Variants in OR52N2 observed in about 807,000 individuals in gnomAD.
OR52N2 encodes olfactory receptor 52N2.
For missense variants in OR52N2, 326 were observed against 196.6 expected, an observed-to-expected ratio of 1.66 and a Z score of -3.94; for synonymous variants, 129 against 72.0, an observed-to-expected ratio of 1.79 and a Z score of -4.01.
At chr11:5,814,408 T>G (rs1471494702) in intron 1 of OR52N2, among the ~76,000 whole-genome samples, 1 of 151,934 alleles carries the variant, frequency 6.6e-6, no homozygotes, top group Admixed American at 6.6e-5. Flanking sequence ...CATAAAATAA[T>G]AAAATACATA....
chr11:5,814,493 C>A (rs1047489975), intron 1 of OR52N2, among the ~76,000 whole-genome samples: 6 of 151,696 alleles, frequency 4.0e-5, no homozygotes, highest in Admixed American at 2.6e-4. Context: ...TTCCTAATTT[C>A]CTTTCAGATT....
Position 5,820,751 on chromosome 11 carries a change from C to T in OR52N2, c.416C>T (p.Thr139Ile). Residue 139 changes from threonine to isoleucine, a missense_variant, in exon 2 of 2, where the codon ACC (threonine) becomes ATC (isoleucine). By Grantham distance (89) the Thr-to-Ile change is moderately conservative. Coordinates refer to ENST00000317037, the MANE Select transcript of OR52N2 (RefSeq NM_001005174.3). ...CCCTTACGCTATGCCACCATCCTTA[C>T]CAACCCTGTCATCGCCAAGGCTGGT... ...CYPLRYATIL[T>I]NPVIAKAGLA... 1.3e-6 allele frequency: 1 copy of T among 775,806 alleles called. No homozygotes were observed. Among genetic ancestry groups the T allele is most frequent in the South Asian group, 1.4e-5 (1 of 72,250 alleles). 48.1% of individuals were successfully genotyped at this position (775,806 alleles called of 1,614,324 possible). A position where few individuals can be genotyped will look rare whatever the true frequency, so the allele number is the denominator to read the frequency against.
intron 1 of OR52N2, among the ~76,000 whole-genome samples, chr11:5,818,948 A>G (rs189603954): frequency 6.8e-4 from 103 of 152,310 alleles, no homozygotes; most frequent in African/African-American, 2.3e-3. Flanking sequence ...AGAGATCACG[A>G]GCTTCTGAAA....
Position 5,820,386 on chromosome 11 carries a change from T to C in OR52N2, c.51T>C (p.Asn17=), listed in dbSNP as rs114368101. ...SSLTPGFFIL[N]GVPGLEATHI... ...TGACCCCAGGATTCTTTATCTTGAA[T>C]GGCGTTCCTGGGCTGGAAGCCACAC... is the stretch of plus-strand genomic sequence containing the variant. Residue 17 remains asparagine (N), a synonymous_variant, in exon 2 of 2, where the codon AAT becomes AAC. Coordinates refer to ENST00000317037, the MANE Select transcript of OR52N2 (RefSeq NM_001005174.3). 558 of 780,966 alleles carry C rather than the reference T, an allele frequency of 7.1e-4. 5 individuals carry two copies. In the African/African-American group the frequency reaches 8.7e-3, roughly 12 times the overall value. The allele number at this position is 780,966 out of a possible 1,614,324, so 48.4% of individuals were successfully genotyped here. A position where few individuals can be genotyped will look rare whatever the true frequency, so the allele number is the denominator to read the frequency against.
intron 1 of OR52N2, among the ~76,000 whole-genome samples, chr11:5,816,935 T>A (rs1014140246): frequency 7.5e-6 from 1 of 134,012 alleles, no homozygotes; most frequent in African/African-American, 2.9e-5. Context: ...CTGCATTAAT[T>A]TAAATTTTGA....
intron 1 of OR52N2, among the ~76,000 whole-genome samples, chr11:5,809,518 G>A (rs1846335328): frequency 6.6e-6 from 1 of 152,142 alleles, no homozygotes. Context: ...TAGAGCTGAT[G>A]GGAAGCGGTA....
intron 1 of OR52N2, among the ~76,000 whole-genome samples, chr11:5,820,050 G>T (rs532375800): frequency 3.3e-5 from 5 of 152,190 alleles, no homozygotes; most frequent in Non-Finnish European, 5.9e-5. Flanking sequence ...GTGCTGGGGA[G>T]AGGTGTGGTA....
chr11:5,815,336 A>T (rs1846395764), intron 1 of OR52N2, among the ~76,000 whole-genome samples: 1 of 152,082 alleles, frequency 6.6e-6, no homozygotes, highest in Non-Finnish European at 1.5e-5. Flanking sequence ...TATATCTGAT[A>T]GGTATTAATA....
chr11:5,816,852 C>G (rs1038230254), intron 1 of OR52N2, among the ~76,000 whole-genome samples: 3 of 152,152 alleles, frequency 2.0e-5, no homozygotes, highest in African/African-American at 7.2e-5. Context: ...CATACCAATT[C>G]TCATTTTTCT....
At position 5,820,733 on chromosome 11, in the gene OR52N2, G is replaced by T. The variant is rs147573020; in HGVS notation, c.398G>T (p.Arg133Leu). Residue 133 changes from arginine to leucine, a missense_variant, in exon 2 of 2, where the codon CGC becomes CTC. Arg to Leu is a moderately radical substitution (Grantham distance 102). Coordinates refer to ENST00000317037, the MANE Select transcript of OR52N2 (RefSeq NM_001005174.3). ...DRYVAICYPL[R>L]YATILTNPVI... Reference sequence around the variant, plus strand: ...TATGTGGCCATCTGCTACCCCTTACGCTATGCCACCATCCTTACCAACCCT... The same window carrying T: ...TATGTGGCCATCTGCTACCCCTTACTCTATGCCACCATCCTTACCAACCCT... The T allele has an allele frequency of 6.4e-6, 5 of 783,120 alleles. No homozygotes were observed. The Admixed American group carries it at 8.5e-5, about 13-fold the overall frequency. The allele number at this position is 783,120 out of a possible 1,614,324, so 48.5% of individuals were successfully genotyped here. A position where few individuals can be genotyped will look rare whatever the true frequency, so the allele number is the denominator to read the frequency against.
intron 1 of OR52N2, among the ~76,000 whole-genome samples, chr11:5,812,501 A>AC (rs1384383025): frequency 3.5e-4 from 53 of 151,216 alleles, no homozygotes; most frequent in Non-Finnish European, 5.5e-4. Context: ...TCTCAAAAAA[A>AC]AAAAAAAAAA....
At chr11:5,820,213 A>C in intron 1 of OR52N2, 69 bp from the exon 2 acceptor site, 1 of 672,430 alleles carries the variant, frequency 1.5e-6, no homozygotes, top group Non-Finnish European at 2.7e-6. Flanking sequence ...TGTACATGGC[A>C]CTTGAGGTTC....
rs1487571656 is a variant in OR52N2, at chr11:5,812,855, T to C, written c.-55+3801T>C. Among the ~76,000 whole-genome samples, 14 of 152,124 alleles carry C rather than the reference T, an allele frequency of 9.2e-5. No homozygotes were observed. In the East Asian group the frequency reaches 2.5e-3, roughly 27 times the overall value. On this transcript the variant is annotated intron_variant, in intron 1 of 1. Coordinates refer to ENST00000317037, the MANE Select transcript of OR52N2 (RefSeq NM_001005174.3). The stretch of plus-strand genomic sequence containing the variant: ...AAATTTTAAATAAAAATTTAAAGAC[T>C]GAAATCATATCAAATATATTTTTCT...
chr11:5,813,871 C>A (rs898824446), intron 1 of OR52N2, among the ~76,000 whole-genome samples: 13 of 152,178 alleles, frequency 8.5e-5, no homozygotes, highest in African/African-American at 3.1e-4. Flanking sequence ...TCAACACACA[C>A]AAATCAATAA....
rs373245066 is a variant in OR52N2 at position 5,812,354 on chromosome 11, G to A, written c.-55+3300G>A. 7.0e-4 allele frequency among the ~76,000 whole-genome samples: 106 copies of A among 151,128 alleles called. 1 individual carries two copies. In the Middle Eastern group the frequency reaches 0.021, roughly 29 times the overall value. On this transcript the variant is annotated intron_variant, in intron 1 of 1. Coordinates refer to ENST00000317037, the MANE Select transcript of OR52N2 (RefSeq NM_001005174.3). ...CTAAAAAATACAAAAAATTAGCTGG[G>A]CATGGTGGCGGGCGCCTATAGTCCC...
intron 1 of OR52N2, among the ~76,000 whole-genome samples, chr11:5,814,344 T>C (rs1314060240): frequency 2.1e-5 from 1 of 47,588 alleles, no homozygotes. Context: ...GTTGCCTTTT[T>C]ATACGTTAAC....
intron 1 of OR52N2, among the ~76,000 whole-genome samples, chr11:5,817,686 T>C (rs1217957936): frequency 6.6e-6 from 1 of 152,172 alleles, no homozygotes; most frequent in Non-Finnish European, 1.5e-5. Flanking sequence ...CACCACAGAT[T>C]TTATTGAAAT....
At position 5,811,154 on chromosome 11, in the gene OR52N2, G is replaced by C. The variant is rs115887714; in HGVS notation, c.-55+2100G>C. 7.1e-3 allele frequency among the ~76,000 whole-genome samples: 1,079 copies of C among 151,988 alleles called. 14 individuals are homozygous for C. Among genetic ancestry groups the C allele is most frequent in the African/African-American group, 0.025 (1,023 of 41,516 alleles). ...TATAAAAATGAAATTCAAAAGCTAA[G>C]AGAGTGTATTACTACCAGACCTGCC... On this transcript the variant is annotated intron_variant, in intron 1 of 1. Transcript: ENST00000317037.
intron 1 of OR52N2, among the ~76,000 whole-genome samples, chr11:5,810,617 T>C (rs7115498): frequency 0.45 from 68,496 of 151,862 alleles, 17,023 homozygotes; most frequent in Non-Finnish European, 0.56. Context: ...GGTGTTAACA[T>C]TGTGGAAGGG....
Sources: allele counts gnomAD v4.1 joint callset (sites outside exome capture counted in the v4.1 genomes callset), GRCh38; gene constraint gnomAD v4.1.1; transcripts MANE v1.5; gene names NCBI Gene and HGNC (gene_info 2026-07-23, HGNC 2026-07-21).